Variants in ARMH4 observed in about 807,000 individuals in gnomAD.
ARMH4 encodes armadillo like helical domain containing 4, also known as armadillo-like helical domain-containing protein 4.
Under a neutral mutation model 61.9 loss-of-function variants are expected in ARMH4, and 49 were observed. That is an observed-to-expected ratio of 0.79 (90% confidence interval 0.63 to 1.00). ARMH4 has a LOEUF of 1.00. Ranked by LOEUF, ARMH4 falls within the 50% of genes least tolerant of loss-of-function variation. ARMH4 has a pLI of 0.00. For missense variants in ARMH4, 934 were observed against 930.0 expected (o/e 1.00, Z -0.06); for synonymous variants, 368 against 341.5 (o/e 1.08, Z -0.85).
chr14:58,074,313 C>A (rs1165195344), intron 5 of ARMH4, among the ~76,000 whole-genome samples: 2 of 152,052 alleles, frequency 1.3e-5, no homozygotes, highest in Admixed American at 6.6e-5. Context: ...GGAGTTGTAC[C>A]CTAACCCACT....
intron 5 of ARMH4, among the ~76,000 whole-genome samples, chr14:58,043,569 A>G (rs1230165466): frequency 1.3e-5 from 2 of 151,920 alleles, no homozygotes; most frequent in Non-Finnish European, 2.9e-5. Flanking sequence ...CTCTCTCACC[A>G]CTCCTATTCG....
intron 5 of ARMH4, among the ~76,000 whole-genome samples, chr14:58,065,217 G>A (rs1396650130): frequency 1.3e-5 from 2 of 152,158 alleles, no homozygotes; most frequent in Non-Finnish European, 2.9e-5. Flanking sequence ...ACTCCAGCCT[G>A]ACAACAGAGT....
intron 1 of ARMH4, among the ~76,000 whole-genome samples, chr14:58,140,763 T>C (rs1223716795): frequency 1.3e-5 from 2 of 151,318 alleles, no homozygotes; most frequent in Non-Finnish European, 1.5e-5. Flanking sequence ...ATTAGCTGGG[T>C]GTGGTGGCGG....
chr14:58,025,477 C>T (rs1882991150), intron 5 of ARMH4, among the ~76,000 whole-genome samples: 1 of 152,062 alleles, frequency 6.6e-6, no homozygotes, highest in Non-Finnish European at 1.5e-5. Flanking sequence ...AATGCATGCT[C>T]CATCTAAATA....
intron 5 of ARMH4, among the ~76,000 whole-genome samples, chr14:58,043,662 A>G (rs965024388): frequency 1.5e-4 from 23 of 152,330 alleles, no homozygotes; most frequent in African/African-American, 4.8e-4. Flanking sequence ...AGGAAGTCCA[A>G]TTGTCCCTGT....
chr14:58,089,685 G>A (rs1012292796), intron 5 of ARMH4, among the ~76,000 whole-genome samples: 4 of 152,196 alleles, frequency 2.6e-5, no homozygotes, highest in East Asian at 1.9e-4. Flanking sequence ...CTGAAGACAC[G>A]TATCAATGCA....
chr14:58,024,527 G>A (rs1453133216), intron 5 of ARMH4, among the ~76,000 whole-genome samples: 1 of 152,150 alleles, frequency 6.6e-6, no homozygotes, highest in South Asian at 2.1e-4. Context: ...CAGCAGTAAG[G>A]TTGTTTCTAT....
intron 4 of ARMH4, among the ~76,000 whole-genome samples, chr14:58,119,471 T>G (rs1886647230): frequency 1.3e-5 from 2 of 152,228 alleles, no homozygotes; most frequent in African/African-American, 4.8e-5. Context: ...TGCAAGCATC[T>G]AAAATATCTT....
chr14:58,026,754 T>C (rs1467401776), intron 5 of ARMH4, among the ~76,000 whole-genome samples: 2 of 152,146 alleles, frequency 1.3e-5, no homozygotes, highest in Admixed American at 1.3e-4. Flanking sequence ...GATAAGCCAC[T>C]TTAGCATCAA....
At chr14:58,132,996 T>A in intron 3 of ARMH4, 94 bp downstream of exon 3, 5 of 1,397,758 alleles carry the variant, frequency 3.6e-6, no homozygotes, top group Non-Finnish European at 5.0e-6. Context: ...CGCGCGCTGA[T>A]GGCAATGTCG....
At chr14:58,045,531 C>T (rs531812642) in intron 5 of ARMH4, among the ~76,000 whole-genome samples, 13 of 151,516 alleles carry the variant, frequency 8.6e-5, no homozygotes, top group African/African-American at 2.2e-4. Flanking sequence ...TTAATGGGTG[C>T]GGCACACCAA....
chr14:58,014,185 G>C (rs1304982910), intron 5 of ARMH4, among the ~76,000 whole-genome samples: 1 of 152,102 alleles, frequency 6.6e-6, no homozygotes, highest in Non-Finnish European at 1.5e-5. Context: ...ACCTCCCTTA[G>C]GTCCTGGCTT....
rs1882057437 is a variant in ARMH4, at chr14:58,003,676, G to A, written c.*1060C>T. 6.6e-6 allele frequency: 1 copy of A among 152,198 alleles called. No individual in the cohort carries two copies. The highest frequency in any genetic ancestry group is 2.4e-5 in the African/African-American group (1 of 41,452). The allele number at this position is 152,198 out of a possible 1,614,324, so 9.4% of individuals were successfully genotyped here. A position where few individuals can be genotyped will look rare whatever the true frequency, so the allele number is the denominator to read the frequency against. ...ATATCCTCATAGCGGGGTGCCCTGA[G>A]AGAGGCTGGTTTCCCATGAGCTCTG... On this transcript the variant is annotated 3_prime_UTR_variant, in exon 8 of 8. Transcript: ENST00000267485.
At chr14:58,133,542 C>A (rs1460367815) in intron 2 of ARMH4, among the ~76,000 whole-genome samples, 2 of 152,044 alleles carry the variant, frequency 1.3e-5, no homozygotes, top group African/African-American at 2.4e-5. Flanking sequence ...AATCAATCTA[C>A]AACAGAGATA....
chr14:58,117,101 G>A (rs773231629), intron 4 of ARMH4, among the ~76,000 whole-genome samples: 4 of 152,168 alleles, frequency 2.6e-5, no homozygotes, highest in Non-Finnish European at 5.9e-5. Flanking sequence ...ACAGGCATAA[G>A]CCACTGTGCC....
At position 58,142,950 on chromosome 14, in the gene ARMH4, T is replaced by C. The variant is rs191022825; in HGVS notation, c.-56-3536A>G. Reference sequence around the variant, plus strand: ...GAATCCATGGATTTAGAGCTAAGGCTTCCTGCCAACTACCACCACCACATG... The same window carrying C: ...GAATCCATGGATTTAGAGCTAAGGCCTCCTGCCAACTACCACCACCACATG... On this transcript the variant is annotated intron_variant, in intron 1 of 7. Coordinates refer to ENST00000267485, the MANE Select transcript of ARMH4 (RefSeq NM_001001872.4). Among the ~76,000 whole-genome samples, 30 of 152,240 alleles carry C rather than the reference T, an allele frequency of 2.0e-4. No homozygotes were observed. In the East Asian group the frequency reaches 5.6e-3, roughly 28 times the overall value.
chr14:58,109,777 C>T (rs1212811075), intron 4 of ARMH4, among the ~76,000 whole-genome samples: 1 of 151,960 alleles, frequency 6.6e-6, no homozygotes. Flanking sequence ...TGTATTAGTC[C>T]ATTCTCACAC....
chr14:58,009,341 T>C (rs1304991174), intron 6 of ARMH4, among the ~76,000 whole-genome samples: 1 of 152,152 alleles, frequency 6.6e-6, no homozygotes, highest in Non-Finnish European at 1.5e-5. Context: ...CTCCCCCTTT[T>C]TCCTCCTTCC....
intron 5 of ARMH4, among the ~76,000 whole-genome samples, chr14:58,065,186 G>A (rs1884664739): frequency 6.6e-6 from 1 of 152,142 alleles, no homozygotes; most frequent in Non-Finnish European, 1.5e-5. Context: ...AGGTTGCAGT[G>A]AGCCAAAATC....
Sources: gnomAD v4.1 joint callset for allele counts (sites outside exome capture counted in the v4.1 genomes callset) on GRCh38, gnomAD v4.1.1 for gene constraint, MANE v1.5 for transcripts, NCBI Gene and HGNC (gene_info 2026-07-23, HGNC 2026-07-21) for gene names.